The following CBFA2T3 variants were observed in gnomAD, a reference collection of about 807,000 sequenced individuals.
CBFA2T3 encodes CBFA2/RUNX1 partner transcriptional co-repressor 3.
In CBFA2T3, 31 loss-of-function variants were observed where a neutral mutation model predicts 58.6. That is an observed-to-expected ratio of 0.53 (90% CI 0.40 to 0.71). CBFA2T3 has a LOEUF of 0.71. CBFA2T3 is among the 30% of genes least tolerant of loss of function. The probability of loss-of-function intolerance (pLI) is 0.00; values close to 1 mark genes in which losing one functional copy is unlikely to be tolerated. For missense variants in CBFA2T3, 1,076 were observed against 963.1 expected (o/e 1.12, Z -1.55); for synonymous variants, 531 against 421.9 (o/e 1.26, Z -3.17).
chr16:88,975,977 G>A (rs1022205724), intron 1 of CBFA2T3, among the ~76,000 whole-genome samples: 13 of 152,340 alleles, frequency 8.5e-5, no homozygotes, highest in Non-Finnish European at 1.3e-4. Flanking sequence ...ACTGGGAATC[G>A]GGGCCACCAG....
In CBFA2T3 at chr16:88,875,466, A is replaced by AG; in HGVS notation, c.*1509dup. 4.3e-6 allele frequency: 1 copy of AG among 233,382 alleles called. No homozygotes were observed. The highest frequency in any genetic ancestry group is 8.5e-6 in the Non-Finnish European group (1 of 118,200). The allele number at this position is 233,382 out of a possible 1,614,324, so 14.5% of individuals were successfully genotyped here. A position where few individuals can be genotyped will look rare whatever the true frequency, so the allele number is the denominator to read the frequency against. ...GAGCACCAGGGCTATGTACACGGTC[A>AG]GGGTCTTCCCTGGGGAGGAGGCAGA... On this transcript the variant is annotated 3_prime_UTR_variant, in exon 12 of 12. Transcript: ENST00000268679.
chr16:88,954,498 A>G (rs1231414842), intron 1 of CBFA2T3, among the ~76,000 whole-genome samples: 1 of 132,958 alleles, frequency 7.5e-6, no homozygotes, highest in Non-Finnish European at 1.6e-5. Flanking sequence ...GACCCCGCCC[A>G]AGGCTCCTGA....
rs1375983708 is a variant in CBFA2T3, at chr16:88,894,394, CACACACAT to C, written c.380-1917_380-1910del. Among the ~76,000 whole-genome samples, 166 of 114,638 alleles carry C rather than the reference CACACACAT, an allele frequency of 1.4e-3. 60 individuals carry two copies. The highest frequency in any genetic ancestry group is 6.2e-3 in the East Asian group (17 of 2,744). 75.2% of individuals were successfully genotyped at this position (114,638 alleles called of 152,430 possible). On this transcript the variant is annotated intron_variant, in intron 3 of 11. Coordinates refer to ENST00000268679, the MANE Select transcript of CBFA2T3 (RefSeq NM_005187.6). ...CATGCACACAATGTACACACATGCACACACACATGCACACACACATGCATACATATACA... is the reference window on the plus strand; with the variant it reads ...CATGCACACAATGTACACACATGCACGCACACACACATGCATACATATACA...
intron 5 of CBFA2T3, among the ~76,000 whole-genome samples, chr16:88,887,564 A>G (rs75460716): frequency 0.049 from 7,385 of 152,170 alleles, 331 homozygotes; most frequent in African/African-American, 0.12. Context: ...GGGTGCAGAG[A>G]ACCCAGGACT....
At chr16:88,920,803 C>T (rs1235527424) in intron 1 of CBFA2T3, among the ~76,000 whole-genome samples, 5 of 152,194 alleles carry the variant, frequency 3.3e-5, no homozygotes, top group Non-Finnish European at 7.4e-5. Flanking sequence ...TGCTTGCCAG[C>T]CCCAGCTGGG....
At chr16:88,949,622 T>C (rs1445491730) in intron 1 of CBFA2T3, among the ~76,000 whole-genome samples, 1 of 150,968 alleles carries the variant, frequency 6.6e-6, no homozygotes, top group Non-Finnish European at 1.5e-5. Context: ...CAAACGACAG[T>C]GGCCCCAGCA....
chr16:88,914,218 G>A (rs1292439745), intron 1 of CBFA2T3, among the ~76,000 whole-genome samples: 1 of 152,218 alleles, frequency 6.6e-6, no homozygotes, highest in African/African-American at 2.4e-5. Flanking sequence ...AGAAAATTCA[G>A]AATCAGGCAG....
intron 1 of CBFA2T3, among the ~76,000 whole-genome samples, chr16:88,933,988 G>A (rs1023990780): frequency 5.3e-5 from 8 of 152,190 alleles, no homozygotes; most frequent in Non-Finnish European, 8.8e-5. Flanking sequence ...AGTGCATGTC[G>A]AAAATAATGA....
intron 8 of CBFA2T3, 57 bp downstream of exon 8, chr16:88,882,605 CGTGGCTGTGTGTGT>C (rs1969166231): frequency 2.3e-6 from 2 of 881,584 alleles, no homozygotes; most frequent in East Asian, 2.8e-5. Flanking sequence ...GCTGTGTGTG[CGTGGCTGTGTGTGT>C]GCGTGGCTGT....
chr16:88,945,614 C>T (rs1022561151), intron 1 of CBFA2T3, among the ~76,000 whole-genome samples: 11 of 152,156 alleles, frequency 7.2e-5, no homozygotes, highest in Admixed American at 3.9e-4. Context: ...AGCACAGCCA[C>T]GAGAGGCCAC....
At chr16:88,878,957 G>A (rs1968951593) in intron 11 of CBFA2T3, among the ~76,000 whole-genome samples, 2 of 152,280 alleles carry the variant, frequency 1.3e-5, no homozygotes, top group South Asian at 2.1e-4. Context: ...CTCCATCTCA[G>A]CATCAGCCAA....
chr16:88,896,263 C>T (rs531361960), intron 3 of CBFA2T3, among the ~76,000 whole-genome samples: 214 of 152,290 alleles, frequency 1.4e-3, no homozygotes, highest in Non-Finnish European at 2.5e-3. Context: ...TTGCTGGGGC[C>T]GCGAACCTCC....
chr16:88,941,675 G>A (rs996811484), intron 1 of CBFA2T3: 1 of 148,886 alleles, frequency 6.7e-6, no homozygotes, highest in Admixed American at 6.7e-5. Flanking sequence ...GAGCGAAGAG[G>A]TTGAGGGGTG....
At chr16:88,934,885 G>A (rs1372419772) in intron 1 of CBFA2T3, among the ~76,000 whole-genome samples, 3 of 152,170 alleles carry the variant, frequency 2.0e-5, no homozygotes, top group African/African-American at 7.2e-5. Flanking sequence ...GACTACAGGC[G>A]CCCGCCACCA....
Position 88,901,634 on chromosome 16 carries a change from C to CTT in CBFA2T3, c.172_173dup (p.Ala59ArgfsTer12). The CTT allele has an allele frequency of 6.5e-7, 1 of 1,532,032 alleles. No individual in the cohort carries two copies. The highest frequency in any genetic ancestry group is 8.7e-7 in the Non-Finnish European group (1 of 1,150,740). 94.9% of individuals were successfully genotyped at this position (1,532,032 alleles called of 1,614,324 possible). A position where few individuals can be genotyped will look rare whatever the true frequency, so the allele number is the denominator to read the frequency against. On this transcript the variant is annotated frameshift_variant, in exon 2 of 12. Coordinates refer to ENST00000268679, the MANE Select transcript of CBFA2T3 (RefSeq NM_005187.6). LOFTEE classifies it high-confidence loss of function. ...CTGGGGAGTCCGGCATCGCTGAGGC[C>CTT]TTAGCTTTCCTGTCCACTGGGGCTG...
Position 88,885,195 on chromosome 16 carries a change from G to C in CBFA2T3, c.968C>G (p.Pro323Arg), listed in dbSNP as rs769740338. 1 of 1,602,920 alleles carries C rather than the reference G, an allele frequency of 6.2e-7. No individual in the cohort carries two copies. Among genetic ancestry groups the C allele is most frequent in the East Asian group, 2.2e-5 (1 of 44,538 alleles). The change falls in exon 7 of 12, where the codon CCT (proline) becomes CGT (arginine). Residue 323 changes from proline to arginine, a missense_variant. Pro to Arg is a moderately radical substitution (Grantham distance 103, BLOSUM62 -2). Transcript: ENST00000268679. The surrounding 1 kb of genome is among the most constrained non-coding windows in gnomAD (Gnocchi z 5.3). ...GTTGCTGGGGCTGTAGCGCTGGGCAGGGTTCAGGGTGCATGGCCGTTTGCT... is the reference window on the plus strand; with the variant it reads ...GTTGCTGGGGCTGTAGCGCTGGGCACGGTTCAGGGTGCATGGCCGTTTGCT... Reference protein sequence around the residue: ...HLSKRPCTLNPAQRYSPSNGP... With the variant: ...HLSKRPCTLNRAQRYSPSNGP...
In CBFA2T3 at chr16:88,953,086, G is replaced by A. The variant is rs148373538; in HGVS notation, c.151+23571C>T. The stretch of plus-strand genomic sequence containing the variant: ...TCACCCACGAGAAAAAACACAACCT[G>A]GTCTCCGTCTGCCGGTTAGATCGGC... On this transcript the variant is annotated intron_variant, in intron 1 of 11. Transcript: ENST00000268679. The surrounding 1 kb of genome is among the most constrained non-coding windows in gnomAD (Gnocchi z 4.9). Among the ~76,000 whole-genome samples, 1 of 152,306 alleles carries A rather than the reference G, an allele frequency of 6.6e-6. No homozygotes were observed. The highest frequency in any genetic ancestry group is 1.9e-4 in the East Asian group (1 of 5,170).
At chr16:88,963,765 C>G (rs973419694) in intron 1 of CBFA2T3, among the ~76,000 whole-genome samples, 2 of 152,248 alleles carry the variant, frequency 1.3e-5, no homozygotes, top group Non-Finnish European at 2.9e-5. Context: ...GTGAGCCAGG[C>G]ACACAGCGGC....
Position 88,976,660 on chromosome 16 carries a change from G to T in CBFA2T3, c.148C>A (p.Pro50Thr). The change falls in exon 1 of 12, where the codon CCA becomes ACA. Residue 50 changes from proline to threonine, a missense_variant. By Grantham distance (38) the Pro-to-Thr change is conservative (BLOSUM62 -1). Transcript: ENST00000268679. ...ACCTTCCCCTCGAGCCTCTTACCTG[G>T]GCCGCCCTTCCTGGGACCCCGGGGT... ...SAPRGPRKGGPAPVDRKAKAS... is the reference protein window; with the variant it reads ...SAPRGPRKGGTAPVDRKAKAS... 2.6e-6 allele frequency: 4 copies of T among 1,559,900 alleles called. No homozygotes were observed. Among genetic ancestry groups the T allele is most frequent in the Non-Finnish European group, 3.5e-6 (4 of 1,151,896 alleles).
Sources: allele counts gnomAD v4.1 joint callset (sites outside exome capture counted in the v4.1 genomes callset), GRCh38; gene constraint gnomAD v4.1.1; non-coding constraint Gnocchi (gnomAD v3.1); transcripts MANE v1.5; gene names NCBI Gene and HGNC (gene_info 2026-07-23, HGNC 2026-07-21).